Variants in CSMD2 observed in about 807,000 individuals in gnomAD.
CSMD2 encodes the protein CUB and sushi domain-containing protein 2.
In CSMD2, 130 loss-of-function variants were observed where a neutral mutation model predicts 398.5. The observed-to-expected ratio is 0.33, with a 90% CI of 0.28 to 0.38. The LOEUF (loss-of-function observed/expected upper bound fraction) is 0.38, where lower values mean the gene tolerates loss of function less well. Ranked by LOEUF, CSMD2 falls within the 10% of genes least tolerant of loss-of-function variation. The pLI is 1.00. For missense variants in CSMD2, 3,829 were observed against 4,764.9 expected, an observed-to-expected ratio of 0.80 and a Z score of 5.78; for synonymous variants, 1,828 against 1,908.5, an observed-to-expected ratio of 0.96 and a Z score of 1.10.
rs1243178236 is a variant in CSMD2, at chr1:33,709,139, T to C, written c.3526A>G (p.Ile1176Val). ...TCGAATGCCCTGGCTTTCAGCTGAATTCCCTTCCCTGGCTGGGTCTGGATG... is the reference window on the plus strand; with the variant it reads ...TCGAATGCCCTGGCTTTCAGCTGAACTCCCTTCCCTGGCTGGGTCTGGATG... The part of the protein sequence containing the change: ...YSIQTQPGKG[I>V]QLKARAFELS... The change falls in exon 22 of 71, where the codon ATT becomes GTT. Residue 1176 changes from isoleucine to valine, a missense_variant. Ile to Val is a conservative substitution (Grantham distance 29). This residue lies in a region of CSMD2 where 2,001 missense variants were observed against 2,567.1 expected (regional missense o/e 0.78). Coordinates refer to ENST00000373381, the MANE Select transcript of CSMD2 (RefSeq NM_001281956.2). 6.2e-7 allele frequency: 1 copy of C among 1,614,098 alleles called. No individual in the cohort carries two copies. The highest frequency in any genetic ancestry group is 8.5e-7 in the Non-Finnish European group (1 of 1,179,984).
intron 5 of CSMD2, among the ~76,000 whole-genome samples, chr1:33,852,367 GC>G (rs1222213529): frequency 6.6e-6 from 1 of 152,192 alleles, no homozygotes; most frequent in Non-Finnish European, 1.5e-5. Flanking sequence ...TAAAGTCCAA[GC>G]TTTTTAATGT....
chr1:33,886,024 A>G (rs1404427080), intron 5 of CSMD2, among the ~76,000 whole-genome samples: 3 of 152,222 alleles, frequency 2.0e-5, no homozygotes, highest in African/African-American at 4.8e-5. Flanking sequence ...CCTGGCCCCA[A>G]AGTGCCTAGA....
intron 38 of CSMD2, 147 bp downstream of exon 38, chr1:33,617,352 T>C (rs1641461009): frequency 3.2e-6 from 2 of 633,444 alleles, no homozygotes; most frequent in East Asian, 2.7e-5. Context: ...ATCTTTTGCA[T>C]GAACAGCTCC....
rs748113665 is a variant in CSMD2, at chr1:33,550,200, G to A, written c.8894C>T (p.Thr2965Ile). 6 of 1,614,044 alleles carry A rather than the reference G, an allele frequency of 3.7e-6. No homozygotes were observed. Among genetic ancestry groups the A allele is most frequent in the Non-Finnish European group, 5.1e-6 (6 of 1,179,978 alleles). Residue 2965 changes from threonine (T) to isoleucine (I), a missense_variant, in exon 56 of 71, where the codon ACT becomes ATT. Thr to Ile is a moderately conservative substitution (Grantham distance 89). Around this residue, in one of 5 missense-constraint regions of CSMD2, gnomAD observed 917 missense variants for 1,199.5 expected, o/e 0.76. Transcript: ENST00000373381. ...ACCTGAGCAGTGAGGGAGGGAGCCA[G>A]TCCAGTGTCCATCCAGCCCACACAT... ...TRMCGLDGHW[T>I]GSLPHCSGTS...
intron 2 of CSMD2, among the ~76,000 whole-genome samples, chr1:34,065,587 G>A (rs745655388): frequency 1.8e-4 from 28 of 152,176 alleles, no homozygotes; most frequent in Admixed American, 3.9e-4. Context: ...AGCTGCTTGA[G>A]CTTGAGACAA....
At chr1:33,646,614 T>C (rs754647273) in intron 29 of CSMD2, 34 bp downstream of exon 29, 2 of 1,608,604 alleles carry the variant, frequency 1.2e-6, no homozygotes, top group Admixed American at 1.7e-5. Flanking sequence ...TAGCTGGACC[T>C]GTCCTCAGTA....
intron 19 of CSMD2, among the ~76,000 whole-genome samples, chr1:33,717,398 G>A (rs751494336): frequency 3.9e-5 from 6 of 151,956 alleles, no homozygotes; most frequent in Non-Finnish European, 8.8e-5. Flanking sequence ...AGCAGGAGAT[G>A]GCCATGAGCC....
intron 12 of CSMD2, among the ~76,000 whole-genome samples, chr1:33,774,209 G>C (rs912990947): frequency 6.6e-6 from 1 of 151,880 alleles, no homozygotes; most frequent in Non-Finnish European, 1.5e-5. Context: ...GTGTGACCAT[G>C]TGCCAGGTGT....
chr1:33,865,685 A>G (rs1034000350), intron 5 of CSMD2, among the ~76,000 whole-genome samples: 11 of 152,158 alleles, frequency 7.2e-5, no homozygotes, highest in African/African-American at 2.4e-4. Flanking sequence ...TTGCCATCTC[A>G]TAGGGCCCAA....
At chr1:33,651,885 T>G (rs1643773486) in intron 28 of CSMD2, among the ~76,000 whole-genome samples, 1 of 151,964 alleles carries the variant, frequency 6.6e-6, no homozygotes, top group Non-Finnish European at 1.5e-5. Context: ...GAAGAGCTTT[T>G]CTGTAGCAGG....
rs909239911 is a variant in CSMD2, at chr1:34,089,005, G to A, written c.376C>T (p.Pro126Ser). Residue 126 changes from proline (P) to serine (S), a missense_variant, in exon 2 of 71, where the codon CCA (proline) becomes TCA (serine). Transcript: ENST00000373381. ...DFDVLSVFDG[P>S]PQPENLRTRL... ...GTACGCAGATTCTCTGGCTGGGGTG[G>A]ACCATCAAACACCGACAGGACATCA... 3 of 1,613,910 alleles carry A rather than the reference G, an allele frequency of 1.9e-6. No homozygotes were observed. Among genetic ancestry groups the A allele is most frequent in the Non-Finnish European group, 2.5e-6 (3 of 1,180,014 alleles).
rs1480479504 is a variant in CSMD2, at chr1:33,699,860, T to C, written c.3733+657A>G. ...CCCAACTCCCTCAGCCCTAGGCAAC[T>C]GCCCTTTACTTTCTGGCTCTATGGA... On this transcript the variant is annotated intron_variant, in intron 23 of 70. Coordinates refer to ENST00000373381, the MANE Select transcript of CSMD2 (RefSeq NM_001281956.2). Among the ~76,000 whole-genome samples, 4 of 152,208 alleles carry C rather than the reference T, an allele frequency of 2.6e-5. No homozygotes were observed. The East Asian group carries it at 5.8e-4, about 22-fold the overall frequency.
chr1:33,981,289 C>T (rs1452376231), intron 3 of CSMD2, among the ~76,000 whole-genome samples: 1 of 152,194 alleles, frequency 6.6e-6, no homozygotes, highest in African/African-American at 2.4e-5. Context: ...GCAGTCACAG[C>T]CCCAGCTGTT....
chr1:33,894,714 A>G (rs1642263414), intron 5 of CSMD2, among the ~76,000 whole-genome samples: 2 of 152,118 alleles, frequency 1.3e-5, no homozygotes, highest in Admixed American at 1.3e-4. Context: ...CCCTTGTCTC[A>G]GGCCTGCTTT....
intron 56 of CSMD2, among the ~76,000 whole-genome samples, chr1:33,549,582 C>T (rs1372358621): frequency 6.6e-6 from 1 of 152,176 alleles, no homozygotes; most frequent in African/African-American, 2.4e-5. Flanking sequence ...CTGTCAGTGT[C>T]CTCATTAGCA....
intron 3 of CSMD2, among the ~76,000 whole-genome samples, chr1:33,948,637 G>A (rs897988555): frequency 2.6e-5 from 4 of 152,142 alleles, no homozygotes; most frequent in South Asian, 4.1e-4. Context: ...TCAAGATACC[G>A]ATCCATTTCC....
chr1:33,569,221 T>A (rs907141414), intron 52 of CSMD2, among the ~76,000 whole-genome samples, 153 bp downstream of exon 52: 2 of 152,190 alleles, frequency 1.3e-5, no homozygotes, highest in African/African-American at 4.8e-5. Flanking sequence ...AGGGTTTTAG[T>A]CATGCCTGAT....
At chr1:33,527,035 C>T (rs1280286617) in intron 65 of CSMD2, among the ~76,000 whole-genome samples, 161 bp downstream of exon 65, 5 of 152,166 alleles carry the variant, frequency 3.3e-5, no homozygotes, top group Non-Finnish European at 5.9e-5. Flanking sequence ...TGAAGTCTGC[C>T]TGGGCTGGGG....
At chr1:33,809,753 AGAT>A (rs1250188755) in intron 10 of CSMD2, among the ~76,000 whole-genome samples, 1 of 151,572 alleles carries the variant, frequency 6.6e-6, no homozygotes, top group Non-Finnish European at 1.5e-5. Flanking sequence ...ATTTTTTTGC[AGAT>A]GATGACTATC....
Sources: gnomAD v4.1 joint callset for allele counts (sites outside exome capture counted in the v4.1 genomes callset) on GRCh38, gnomAD v4.1.1 for gene constraint, gnomAD v4.1.1 regional missense constraint, MANE v1.5 for transcripts, NCBI Gene and HGNC (gene_info 2026-07-23, HGNC 2026-07-21) for gene names.